The following ABHD14A variants were observed in gnomAD, a reference collection of about 807,000 sequenced individuals.
ABHD14A encodes abhydrolase domain containing 14A.
Under a neutral mutation model 27.0 loss-of-function variants are expected in ABHD14A, and 19 were observed. The observed-to-expected ratio is 0.70, with a 90% confidence interval of 0.49 to 1.03. The LOEUF is 1.03. Ranked by LOEUF, ABHD14A falls within the 50% of genes least tolerant of loss-of-function variation. The probability of loss-of-function intolerance (pLI) is 0.00; values close to 1 mark genes in which losing one functional copy is unlikely to be tolerated. For synonymous variants in ABHD14A, 148 were observed against 158.8 expected (o/e 0.93, Z 0.51); for missense variants, 311 against 344.6 (o/e 0.90, Z 0.77).
chr3:51,979,557 T>C (rs1700869828), intron 3 of ABHD14A, among the ~76,000 whole-genome samples: 1 of 150,556 alleles, frequency 6.6e-6, no homozygotes, highest in South Asian at 2.1e-4. Flanking sequence ...CGTACTCGGC[T>C]CACTGCAACC....
chr3:51,977,119 G>A (rs1295614020), intron 1 of ABHD14A, among the ~76,000 whole-genome samples: 1 of 152,128 alleles, frequency 6.6e-6, no homozygotes, highest in East Asian at 1.9e-4. Flanking sequence ...TCTATTACAA[G>A]ACATTCTCTG....
chr3:51,978,186 G>C (rs1380712153), intron 2 of ABHD14A, 73 bp from the exon 3 acceptor site: 4 of 1,529,960 alleles, frequency 2.6e-6, no homozygotes, highest in Non-Finnish European at 3.5e-6. Flanking sequence ...GAGGGCAATG[G>C]GAGAAGCCTA....
At position 51,980,096 on chromosome 3, in the gene ABHD14A, G is replaced by A. The variant is rs535422303; in HGVS notation, c.398-297G>A. On this transcript the variant is annotated intron_variant, in intron 3 of 4. Coordinates refer to ENST00000273596, the MANE Select transcript of ABHD14A (RefSeq NM_015407.5). ...CGCCACCTCGCCTGGCTAATTTTTT[G>A]TATTTTTAGTAGAGACGGAGTTTCA... is the stretch of plus-strand genomic sequence containing the variant. Among the ~76,000 whole-genome samples the A allele has an allele frequency of 2.8e-4, 42 of 151,954 alleles. No individual in the cohort carries two copies. The Middle Eastern group carries it at 0.01, about 37-fold the overall frequency.
chr3:51,975,179 C>A lies in ABHD14A; in HGVS notation c.44C>A (p.Ala15Asp). The change falls in exon 1 of 5, where the codon GCC (alanine) becomes GAC (aspartate). Residue 15 changes from alanine to aspartate, a missense_variant. Ala to Asp is a moderately radical substitution (Grantham distance 126). Coordinates refer to ENST00000273596, the MANE Select transcript of ABHD14A (RefSeq NM_015407.5). ...GGCTGCTGGTTCCGCCTGGGCGGGG[C>A]CCGCCCGCTCATCCCGTTGGGCCCG... is the stretch of plus-strand genomic sequence containing the variant. Reference protein sequence around the residue: ...LCGCWFRLGGARPLIPLGPTV... With the variant: ...LCGCWFRLGGDRPLIPLGPTV... 7.8e-7 allele frequency: 1 copy of A among 1,276,610 alleles called. No individual in the cohort carries two copies. The highest frequency in any genetic ancestry group is 9.9e-7 in the Non-Finnish European group (1 of 1,011,056). 79.1% of individuals were successfully genotyped at this position (1,276,610 alleles called of 1,614,324 possible).
Position 51,975,197 on chromosome 3 carries a change from T to G in ABHD14A, c.62T>G (p.Leu21Trp), listed in dbSNP as rs1040643214. Residue 21 changes from leucine (L) to tryptophan (W), a missense_variant, in exon 1 of 5, where the codon TTG becomes TGG. Leu to Trp is a moderately conservative substitution (Grantham distance 61). Coordinates refer to ENST00000273596, the MANE Select transcript of ABHD14A (RefSeq NM_015407.5). Reference sequence around the variant, plus strand: ...GGCGGGGCCCGCCCGCTCATCCCGTTGGGCCCGGTGAGTCTCCCGGGGGAG... The same window carrying G: ...GGCGGGGCCCGCCCGCTCATCCCGTGGGGCCCGGTGAGTCTCCCGGGGGAG... The part of the protein sequence containing the change: ...RLGGARPLIP[L>W]GPTVVQTSMS... The G allele has an allele frequency of 5.4e-5, 68 of 1,266,890 alleles. No homozygotes were observed. The Admixed American group carries it at 6.1e-4, about 11-fold the overall frequency. 78.5% of individuals were successfully genotyped at this position (1,266,890 alleles called of 1,614,324 possible).
chr3:51,976,800 C>G (rs1700797094), intron 1 of ABHD14A, among the ~76,000 whole-genome samples: 1 of 152,202 alleles, frequency 6.6e-6, no homozygotes, highest in South Asian at 2.1e-4. Context: ...CTAAATCTCA[C>G]AGGAAGCTTA....
At position 51,975,269 on chromosome 3, in the gene ABHD14A, T is replaced by G. The variant is rs1700761720; in HGVS notation, c.69+65T>G. 5 of 1,225,596 alleles carry G rather than the reference T, an allele frequency of 4.1e-6. No individual in the cohort carries two copies. In the South Asian group the frequency reaches 1.1e-4, roughly 27 times the overall value. 75.9% of individuals were successfully genotyped at this position (1,225,596 alleles called of 1,614,324 possible). A position where few individuals can be genotyped will look rare whatever the true frequency, so the allele number is the denominator to read the frequency against. On this transcript the variant is annotated intron_variant, in intron 1 of 4. Coordinates refer to ENST00000273596, the MANE Select transcript of ABHD14A (RefSeq NM_015407.5). The stretch of plus-strand genomic sequence containing the variant: ...GGGAGGGCCGTCTTTACCCCGCCCC[T>G]TGCCCCGGCGCCCCGGGGCAGAGTC...
chr3:51,979,548 G>A (rs1164440645), intron 3 of ABHD14A, among the ~76,000 whole-genome samples: 4 of 146,856 alleles, frequency 2.7e-5, no homozygotes, highest in African/African-American at 7.7e-5. Context: ...GCAGTGGCTC[G>A]TACTCGGCTC....
intron 1 of ABHD14A, among the ~76,000 whole-genome samples, chr3:51,975,830 A>C (rs1700776141): frequency 6.6e-6 from 1 of 152,192 alleles, no homozygotes; most frequent in Non-Finnish European, 1.5e-5. Context: ...ATGTACATGC[A>C]GGGAATAGCT....
chr3:51,979,924 T>A (rs1168171261), intron 3 of ABHD14A, among the ~76,000 whole-genome samples: 2 of 152,110 alleles, frequency 1.3e-5, no homozygotes, highest in Non-Finnish European at 2.9e-5. Flanking sequence ...TATTTTTTAT[T>A]TTATTTTATT....
chr3:51,979,784 C>A (rs1319166022), intron 3 of ABHD14A, among the ~76,000 whole-genome samples: 1 of 150,962 alleles, frequency 6.6e-6, no homozygotes, highest in East Asian at 2.0e-4. Flanking sequence ...GCCCAGCTGC[C>A]AGGACATGCA....
chr3:51,980,305 G>T (rs766556306), intron 3 of ABHD14A, 88 bp from the exon 4 acceptor site: 1 of 1,230,194 alleles, frequency 8.1e-7, no homozygotes, highest in Non-Finnish European at 1.2e-6. Flanking sequence ...AGTGCCAGTG[G>T]TCCCCAACTT....
rs759989043 is a variant in ABHD14A at position 51,975,151 on chromosome 3, T to G, written c.16T>G (p.Cys6Gly). 1.6e-6 allele frequency: 2 copies of G among 1,288,768 alleles called. No individual in the cohort carries two copies. The highest frequency in any genetic ancestry group is 9.8e-7 in the Non-Finnish European group (1 of 1,017,836). 79.8% of individuals were successfully genotyped at this position (1,288,768 alleles called of 1,614,324 possible). The stretch of plus-strand genomic sequence containing the variant: ...GGAGGCAGCCATGGTCGGGGCGCTG[T>G]GCGGCTGCTGGTTCCGCCTGGGCGG... MVGAL[C>G]GCWFRLGGAR... The change falls in exon 1 of 5, where the codon TGC becomes GGC. Residue 6 changes from cysteine to glycine, a missense_variant. Cys to Gly is a radical substitution (Grantham distance 159). Transcript: ENST00000273596.
At chr3:51,978,580 T>C (rs967769528) in intron 3 of ABHD14A, 1 of 363,174 alleles carries the variant, frequency 2.8e-6, no homozygotes, top group Non-Finnish European at 4.9e-6. Flanking sequence ...TATACTTTCT[T>C]TTTTTTTATT....
At chr3:51,978,612 A>C in intron 3 of ABHD14A, 1 of 244,584 alleles carries the variant, frequency 4.1e-6, no homozygotes. Flanking sequence ...TATTTTTTGA[A>C]ACAGAGTCTC....
Position 51,978,383 on chromosome 3 carries a change from C to A in ABHD14A, c.397+9C>A, listed in dbSNP as rs768686801. 50 of 1,548,046 alleles carry A rather than the reference C, an allele frequency of 3.2e-5. No homozygotes were observed. In the South Asian group the frequency reaches 5.5e-4, roughly 17 times the overall value. ...GGCCCTTGACCTTCCAGGTGAGCAC[C>A]CCCACCCCTTTGTCTAGGGAAGCCT... On this transcript the variant is annotated intron_variant, in intron 3 of 4. Coordinates refer to ENST00000273596, the MANE Select transcript of ABHD14A (RefSeq NM_015407.5).
Position 51,980,904 on chromosome 3 carries a change from C to T in ABHD14A, c.702C>T (p.Arg234=). ...CTCGAGAGTCACTGCGGCAGCTCCG[C>T]CACCTGCCCAACCACTCTGTGGTGA... The part of the protein sequence containing the change: ...ILARESLRQL[R]HLPNHSVVKL... The change falls in exon 5 of 5, where the codon CGC becomes CGT. Residue 234 remains arginine, a synonymous_variant. Transcript: ENST00000273596. 1.9e-6 allele frequency: 3 copies of T among 1,614,186 alleles called. No homozygotes were observed. Among genetic ancestry groups the T allele is most frequent in the Non-Finnish European group, 2.5e-6 (3 of 1,180,034 alleles).
intron 2 of ABHD14A, 84 bp downstream of exon 2, chr3:51,978,166 C>G: frequency 8.4e-6 from 13 of 1,538,806 alleles, no homozygotes; most frequent in South Asian, 2.4e-5. Context: ...TCAGGGTGCT[C>G]AGGTCCTGGG....
chr3:51,975,102 A>G lies in ABHD14A; in HGVS notation c.-34A>G. On this transcript the variant is annotated 5_prime_UTR_variant, in exon 1 of 5. Coordinates refer to ENST00000273596, the MANE Select transcript of ABHD14A (RefSeq NM_015407.5). ...GATGGCCGCGCTCCTGGCCGCCTAG[A>G]GCCGGAGCGGCCCGCGGAGCTGCGG... 2 of 1,286,186 alleles carry G rather than the reference A, an allele frequency of 1.6e-6. No individual in the cohort carries two copies. The highest frequency in any genetic ancestry group is 2.9e-4 in the Middle Eastern group (1 of 3,490). 79.7% of individuals were successfully genotyped at this position (1,286,186 alleles called of 1,614,324 possible).
Sources: allele counts gnomAD v4.1 joint callset (sites outside exome capture counted in the v4.1 genomes callset), GRCh38; gene constraint gnomAD v4.1.1; transcripts MANE v1.5; gene names NCBI Gene and HGNC (gene_info 2026-07-23, HGNC 2026-07-21).